Variants in CWF19L2 observed in about 807,000 individuals in gnomAD.
CWF19L2 encodes the protein CWF19-like protein 2.
CWF19L2 carries 98 observed loss-of-function variants against 111.7 expected under a neutral mutation model. The observed-to-expected ratio is 0.88, with a 90% CI of 0.75 to 1.04. The LOEUF (loss-of-function observed/expected upper bound fraction) is 1.04, where lower values mean the gene tolerates loss of function less well. Ranked by LOEUF, CWF19L2 falls within the 50% of genes least tolerant of loss-of-function variation. The pLI is 0.00. For synonymous variants in CWF19L2, 351 were observed against 342.9 expected (o/e 1.02, Z -0.26); for missense variants, 1,101 against 1,051.4 (o/e 1.05, Z -0.65).
chr11:107,345,011 A>T (rs1457999658), intron 14 of CWF19L2, among the ~76,000 whole-genome samples: 5 of 152,122 alleles, frequency 3.3e-5, no homozygotes, highest in Admixed American at 3.3e-4. Context: ...TTCCACTGAT[A>T]CTATCCTGAC....
At chr11:107,357,863 G>C (rs1029276269) in intron 12 of CWF19L2, among the ~76,000 whole-genome samples, 1 of 152,142 alleles carries the variant, frequency 6.6e-6, no homozygotes, top group Non-Finnish European at 1.5e-5. Context: ...AAAGATAGTG[G>C]AGAATGTACT....
intron 10 of CWF19L2, among the ~76,000 whole-genome samples, chr11:107,398,647 A>G (rs977870179): frequency 5.3e-5 from 8 of 152,318 alleles, no homozygotes; most frequent in African/African-American, 1.9e-4. Flanking sequence ...CAGCCTTGTG[A>G]GAGACGTAGA....
rs140789981 is a variant in CWF19L2, at chr11:107,433,646, G to A, written c.768C>T (p.Ala256=). 4.5e-4 allele frequency: 700 copies of A among 1,541,274 alleles called. No individual in the cohort carries two copies. Among genetic ancestry groups the A allele is most frequent in the Non-Finnish European group, 5.9e-4 (671 of 1,136,182 alleles). The change falls in exon 7 of 18, where the codon GCC becomes GCT. Residue 256 remains alanine, a synonymous_variant. Coordinates refer to ENST00000282251, the MANE Select transcript of CWF19L2 (RefSeq NM_152434.3). ...AACAGATACTCACCCCATATCTTTC[G>A]GCTACAATGTCCTCAAAGTTTCTAC... is the stretch of plus-strand genomic sequence containing the variant. The part of the protein sequence containing the change: ...KQSRNFEDIV[A]ERYGSMEIFQ...
At chr11:107,436,934 G>A (rs965303730) in intron 6 of CWF19L2, among the ~76,000 whole-genome samples, 2 of 152,070 alleles carry the variant, frequency 1.3e-5, no homozygotes, top group Non-Finnish European at 2.9e-5. Context: ...ATATATAACT[G>A]TGCCATATAA....
intron 10 of CWF19L2, among the ~76,000 whole-genome samples, chr11:107,408,782 T>C (rs746133359): frequency 1.3e-5 from 2 of 151,958 alleles, no homozygotes; most frequent in Non-Finnish European, 2.9e-5. Context: ...AATAATATTT[T>C]TGCATACCTA....
At chr11:107,342,191 C>T (rs552753739) in intron 14 of CWF19L2, among the ~76,000 whole-genome samples, 262 of 151,982 alleles carry the variant, frequency 1.7e-3, no homozygotes, top group Middle Eastern at 0.01. Flanking sequence ...ATTTCTCTCT[C>T]GGCACTCCCT....
At chr11:107,401,265 G>A (rs182797143) in intron 10 of CWF19L2, among the ~76,000 whole-genome samples, 1 of 152,256 alleles carries the variant, frequency 6.6e-6, no homozygotes, top group African/African-American at 2.4e-5. Context: ...TGGTAAAGAG[G>A]AAGTCAAACT....
rs551915431 is a variant in CWF19L2 at position 107,373,430 on chromosome 11, G to C, written c.1872+16644C>G. On this transcript the variant is annotated intron_variant, in intron 12 of 17. Coordinates refer to ENST00000282251, the MANE Select transcript of CWF19L2 (RefSeq NM_152434.3). ...AGCACGCAGCTGAAGATCTGAGAAC[G>C]GGCAGACTGCCTCCTCAAGTGGGTC... 6.6e-5 allele frequency among the ~76,000 whole-genome samples: 9 copies of C among 136,022 alleles called. 1 individual carries two copies. The highest frequency in any genetic ancestry group is 2.5e-4 in the South Asian group (1 of 3,932). 89.2% of individuals were successfully genotyped at this position (136,022 alleles called of 152,430 possible).
chr11:107,349,129 T>C, intron 13 of CWF19L2, 76 bp from the exon 14 acceptor site: 1 of 644,714 alleles, frequency 1.6e-6, no homozygotes, highest in Non-Finnish European at 2.5e-6. Flanking sequence ...ATGCTATTTA[T>C]TCTCAGTTGT....
intron 16 of CWF19L2, 107 bp downstream of exon 16, chr11:107,334,774 G>A (rs572671809): frequency 1.1e-4 from 78 of 738,374 alleles, no homozygotes; most frequent in African/African-American, 7.1e-4. Context: ...TAGTAATTTC[G>A]CCTTCAGTCA....
intron 10 of CWF19L2, among the ~76,000 whole-genome samples, chr11:107,406,849 T>C (rs549571139): frequency 6.6e-6 from 1 of 151,734 alleles, no homozygotes; most frequent in African/African-American, 2.4e-5. Context: ...TGTTATGTTC[T>C]CTCTTATCTC....
intron 13 of CWF19L2, among the ~76,000 whole-genome samples, chr11:107,352,954 A>C (rs1477472778): frequency 6.6e-6 from 1 of 152,070 alleles, no homozygotes; most frequent in Non-Finnish European, 1.5e-5. Context: ...TTTCCTCCTC[A>C]GGGCTTTTCA....
chr11:107,348,026 G>A (rs772141793), intron 14 of CWF19L2, among the ~76,000 whole-genome samples: 3 of 151,928 alleles, frequency 2.0e-5, no homozygotes, highest in East Asian at 3.9e-4. Flanking sequence ...CTAGGAAAAC[G>A]CAAACTTTCA....
In CWF19L2 at chr11:107,367,751, G is replaced by A. The variant is rs777348014; in HGVS notation, c.1873-14015C>T. Reference sequence around the variant, plus strand: ...TAGATGACGAGTTACTGGGTGCAGCGTACCAGCATGGCACATGTATACATA... The same window carrying A: ...TAGATGACGAGTTACTGGGTGCAGCATACCAGCATGGCACATGTATACATA... On this transcript the variant is annotated intron_variant, in intron 12 of 17. Coordinates refer to ENST00000282251, the MANE Select transcript of CWF19L2 (RefSeq NM_152434.3). 8.4e-5 allele frequency among the ~76,000 whole-genome samples: 11 copies of A among 131,594 alleles called. 2 individuals carry two copies. Among genetic ancestry groups the A allele is most frequent in the East Asian group, 2.3e-4 (1 of 4,398 alleles). 86.3% of individuals were successfully genotyped at this position (131,594 alleles called of 152,430 possible). A position where few individuals can be genotyped will look rare whatever the true frequency, so the allele number is the denominator to read the frequency against.
At chr11:107,379,428 C>T (rs1441077783) in intron 12 of CWF19L2, among the ~76,000 whole-genome samples, 1 of 152,224 alleles carries the variant, frequency 6.6e-6, no homozygotes, top group Non-Finnish European at 1.5e-5. Context: ...AAAGACTTAA[C>T]CAGCCCAAAA....
intron 17 of CWF19L2, 29 bp downstream of exon 17, chr11:107,329,889 C>G (rs1466734837): frequency 5.4e-6 from 8 of 1,479,388 alleles, no homozygotes; most frequent in South Asian, 3.9e-5. Flanking sequence ...ATTGCTAACT[C>G]TGGGATTTTA....
chr11:107,397,330 C>T (rs190582953), intron 10 of CWF19L2, among the ~76,000 whole-genome samples: 1 of 152,234 alleles, frequency 6.6e-6, no homozygotes, highest in Admixed American at 6.5e-5. Flanking sequence ...GGTGGGGGCA[C>T]AGTGAGAGTG....
chr11:107,376,074 A>T, intron 12 of CWF19L2, among the ~76,000 whole-genome samples: 1 of 126,348 alleles, frequency 7.9e-6, no homozygotes, highest in East Asian at 2.3e-4. Flanking sequence ...GAAGAAGTTG[A>T]ATCTCTGAAT....
At chr11:107,431,388 T>A (rs1861463748) in intron 7 of CWF19L2, among the ~76,000 whole-genome samples, 1 of 151,984 alleles carries the variant, frequency 6.6e-6, no homozygotes, top group Non-Finnish European at 1.5e-5. Context: ...CAATGGCATA[T>A]GCATAATAAC....
Sources: gnomAD v4.1 joint callset for allele counts (sites outside exome capture counted in the v4.1 genomes callset) on GRCh38, gnomAD v4.1.1 for gene constraint, MANE v1.5 for transcripts, NCBI Gene and HGNC (gene_info 2026-07-23, HGNC 2026-07-21) for gene names.